Variants in APOLD1 observed in about 807,000 individuals in gnomAD.
APOLD1 encodes apolipoprotein L domain containing 1.
In APOLD1, 22 loss-of-function variants were observed where a neutral mutation model predicts 15.3. That is an observed-to-expected ratio of 1.44 (90% CI 1.03 to 2.05). The LOEUF is 2.05. Ranked by LOEUF, APOLD1 falls within the 30% of genes most tolerant of loss-of-function variation. The pLI is 0.00. For synonymous variants in APOLD1, 190 were observed against 167.4 expected, an observed-to-expected ratio of 1.13 and a Z score of -1.04; for missense variants, 394 against 353.5, an observed-to-expected ratio of 1.11 and a Z score of -0.92.
upstream of APOLD1, among the ~76,000 whole-genome samples, chr12:12,781,418 A>G (rs530998616): frequency 6.6e-6 from 1 of 152,360 alleles, no homozygotes; most frequent in African/African-American, 2.4e-5. Context: ...CCTAGGCAAC[A>G]AGAGCGAAAC....
intron 1 of APOLD1, among the ~76,000 whole-genome samples, chr12:12,754,076 G>A (rs1051875725): frequency 2.6e-5 from 4 of 151,302 alleles, no homozygotes; most frequent in African/African-American, 4.9e-5. Flanking sequence ...TTAACTGGGC[G>A]CCTGTAATCC....
upstream of APOLD1, among the ~76,000 whole-genome samples, chr12:12,781,589 A>G (rs965477978): frequency 7.0e-5 from 10 of 141,868 alleles, no homozygotes; most frequent in Non-Finnish European, 1.5e-4. Context: ...GTGCAGTGGC[A>G]TGATCTCTGC....
intron 1 of APOLD1, among the ~76,000 whole-genome samples, chr12:12,748,612 ATCTT>A (rs953781452): frequency 2.3e-4 from 35 of 151,934 alleles, no homozygotes; most frequent in Non-Finnish European, 7.4e-5. Flanking sequence ...AACATTCCAA[ATCTT>A]TCTTCTAGCT....
intron 1 of APOLD1, among the ~76,000 whole-genome samples, chr12:12,749,338 T>G (rs12318822): frequency 0.31 from 46,547 of 151,932 alleles, 7,724 homozygotes; most frequent in East Asian, 0.44. Context: ...ACAGGGAACC[T>G]AAGGTCATTT....
At chr12:12,747,325 G>A (rs566536231) in intron 1 of APOLD1, among the ~76,000 whole-genome samples, 1 of 152,156 alleles carries the variant, frequency 6.6e-6, no homozygotes, top group Non-Finnish European at 1.5e-5. Flanking sequence ...GTCATTCCAG[G>A]TGAAGGGAGT....
At chr12:12,747,123 T>C (rs6488550) in intron 1 of APOLD1, among the ~76,000 whole-genome samples, 88,824 of 151,888 alleles carry the variant, frequency 0.58, 26,366 homozygotes, top group East Asian at 0.75. Flanking sequence ...ACATATATAT[T>C]TTTTTCTAGA....
chr12:12,771,602 T>C, intron 1 of APOLD1: 3 of 510,468 alleles, frequency 5.9e-6, no homozygotes, highest in South Asian at 4.3e-5. Flanking sequence ...CATCGAGGCC[T>C]GTGTCCTGTT....
chr12:12,728,371 T>C (rs925787025), intron 1 of APOLD1, among the ~76,000 whole-genome samples: 2 of 151,910 alleles, frequency 1.3e-5, no homozygotes, highest in African/African-American at 4.8e-5. Flanking sequence ...ATTATGGCAA[T>C]AGGAAGACTG....
Position 12,787,964 on chromosome 12 carries a change from G to A in APOLD1, c.*312G>A, listed in dbSNP as rs12312084. 5,172 of 291,836 alleles carry A rather than the reference G, an allele frequency of 0.018. 256 individuals are homozygous for A. Among genetic ancestry groups the A allele is most frequent in the African/African-American group, 0.11 (4,801 of 44,990 alleles). The allele number at this position is 291,836 out of a possible 1,614,324, so 18.1% of individuals were successfully genotyped here. Reference sequence around the variant, plus strand: ...GGCACTCCTGTTTTAAAGTTATTTCGGGGTCCCTGACCCTGCCCTGGTGGC... The same window carrying A: ...GGCACTCCTGTTTTAAAGTTATTTCAGGGTCCCTGACCCTGCCCTGGTGGC... On this transcript the variant is annotated 3_prime_UTR_variant, in exon 2 of 2. Coordinates refer to ENST00000356591, the MANE Select transcript of APOLD1 (RefSeq NM_030817.3). The surrounding 1 kb of genome is among the most constrained non-coding windows in gnomAD (Gnocchi z 4.9).
At chr12:12,782,106 A>G (rs1213890179), upstream of APOLD1, among the ~76,000 whole-genome samples, 1 of 151,974 alleles carries the variant, frequency 6.6e-6, no homozygotes, top group Admixed American at 6.5e-5. Context: ...TAAAGATACA[A>G]AAATTAGCTG....
intron 1 of APOLD1, among the ~76,000 whole-genome samples, chr12:12,735,706 G>A (rs572267170): frequency 1.8e-4 from 27 of 152,282 alleles, no homozygotes; most frequent in African/African-American, 6.3e-4. Flanking sequence ...GATTGCTTGG[G>A]AGGCCGAAGA....
chr12:12,774,590 T>TAAAGA (rs753860072), intron 1 of APOLD1, among the ~76,000 whole-genome samples: 3 of 69,556 alleles, frequency 4.3e-5, no homozygotes, highest in Admixed American at 1.5e-4. Flanking sequence ...AAAAGAAAAG[T>TAAAGA]AAAGAAAAGA....
intron 1 of APOLD1, among the ~76,000 whole-genome samples, chr12:12,750,388 A>AT (rs1428737247): frequency 2.3e-4 from 35 of 151,490 alleles, no homozygotes; most frequent in Admixed American, 7.2e-4. Flanking sequence ...AAAAAAAAAA[A>AT]AAAAAAGGAA....
At chr12:12,772,128 G>C (rs1213079810) in intron 1 of APOLD1, among the ~76,000 whole-genome samples, 1 of 152,108 alleles carries the variant, frequency 6.6e-6, no homozygotes, top group African/African-American at 2.4e-5. Context: ...AAATATAGTA[G>C]ATGTTAACCA....
At chr12:12,762,900 C>A (rs983749992) in intron 1 of APOLD1, among the ~76,000 whole-genome samples, 1 of 152,024 alleles carries the variant, frequency 6.6e-6, no homozygotes, top group African/African-American at 2.4e-5. Context: ...AACCCCAGCA[C>A]TTTGGGAGGC....
intron 1 of APOLD1, among the ~76,000 whole-genome samples, chr12:12,786,501 T>G (rs1445625469): frequency 2.0e-5 from 3 of 152,134 alleles, no homozygotes; most frequent in African/African-American, 7.2e-5. Flanking sequence ...TGAAAGGGCT[T>G]TGTAAACTGT....
intron 1 of APOLD1, among the ~76,000 whole-genome samples, chr12:12,741,095 T>C (rs1332910590): frequency 1.3e-5 from 2 of 152,086 alleles, no homozygotes; most frequent in Non-Finnish European, 2.9e-5. Flanking sequence ...AAAAAAAAAA[T>C]TGTATCTCCC....
intron 1 of APOLD1, among the ~76,000 whole-genome samples, chr12:12,758,409 G>A (rs1488238137): frequency 6.6e-6 from 1 of 152,046 alleles, no homozygotes; most frequent in Admixed American, 6.6e-5. Context: ...CCTGGGCCTG[G>A]TGGTGCATGC....
intron 1 of APOLD1, among the ~76,000 whole-genome samples, chr12:12,777,923 T>TTTTTTTTTTTTTTTGTTG (rs1555092183): frequency 2.5e-5 from 3 of 121,572 alleles, no homozygotes; most frequent in Admixed American, 9.1e-5. Context: ...TTTTTTTTTT[T>TTTTTTTTTTTTTTTGTTG]TTGTTGTTGT....
Sources: allele counts gnomAD v4.1 joint callset (sites outside exome capture counted in the v4.1 genomes callset), GRCh38; gene constraint gnomAD v4.1.1; non-coding constraint Gnocchi (gnomAD v3.1); transcripts MANE v1.5; gene names NCBI Gene and HGNC (gene_info 2026-07-23, HGNC 2026-07-21).